Variants in AAK1 observed in about 807,000 individuals in gnomAD.
AAK1 encodes the protein AP2 associated kinase 1.
A neutral mutation model predicts 116.0 loss-of-function variants in AAK1; 37 were observed. The observed-to-expected ratio is 0.32, with a 90% CI of 0.25 to 0.42. The LOEUF (loss-of-function observed/expected upper bound fraction) is 0.42, where lower values mean the gene tolerates loss of function less well. Ranked by LOEUF, AAK1 falls within the 10% of genes least tolerant of loss-of-function variation. The pLI, the probability that AAK1 is intolerant of heterozygous loss-of-function variation, is 1.00. For synonymous variants in AAK1, 458 were observed against 439.9 expected (o/e 1.04, Z -0.51); for missense variants, 919 against 1,170.6 (o/e 0.79, Z 3.14).
At chr2:69,622,658 T>C (rs1674703739) in intron 2 of AAK1, among the ~76,000 whole-genome samples, 2 of 151,398 alleles carry the variant, frequency 1.3e-5, no homozygotes, top group East Asian at 3.9e-4. Context: ...GCACTCTGTA[T>C]CTAGTTAATC....
At chr2:69,570,835 C>T (rs763419772) in intron 2 of AAK1, among the ~76,000 whole-genome samples, 1 of 152,196 alleles carries the variant, frequency 6.6e-6, no homozygotes, top group Non-Finnish European at 1.5e-5. Context: ...AATCTGGAAC[C>T]CACAGTGAAC....
chr2:69,640,049 A>ACTCTCTCTCTCTCTCTCTCTCT (rs1158229745), intron 2 of AAK1, among the ~76,000 whole-genome samples: 2 of 115,018 alleles, frequency 1.7e-5, no homozygotes, highest in Non-Finnish European at 1.8e-5. Context: ...ACACACACAC[A>ACTCTCTCTCTCTCTCTCTCTCT]CACACTCTCT....
In AAK1 at chr2:69,532,960, A is replaced by T. The variant is rs76963874; in HGVS notation, c.535-798T>A. 3.5e-3 allele frequency among the ~76,000 whole-genome samples: 534 copies of T among 152,302 alleles called. 5 individuals carry two copies. Among genetic ancestry groups the T allele is most frequent in the African/African-American group, 0.012 (514 of 41,546 alleles). On this transcript the variant is annotated intron_variant, in intron 5 of 21. Coordinates refer to ENST00000409085, the MANE Select transcript of AAK1 (RefSeq NM_014911.5). ...ACAAATGAAATGACAACTCCAAAAT[A>T]GTGGGCACTATGTACTCAAGGTGTA...
chr2:69,505,123 G>A (rs1335316673), intron 16 of AAK1, among the ~76,000 whole-genome samples: 3 of 112,118 alleles, frequency 2.7e-5, no homozygotes, highest in East Asian at 3.7e-4. Context: ...GCGTGCGTGT[G>A]CGCACACACA....
intron 15 of AAK1, 90 bp from the exon 16 acceptor site, chr2:69,505,763 A>C (rs1676160048): frequency 2.2e-6 from 2 of 901,358 alleles, no homozygotes; most frequent in Non-Finnish European, 3.4e-6. Context: ...CTCTGAACTG[A>C]CTTCTGGACT....
At chr2:69,569,387 G>T (rs947692453) in intron 2 of AAK1, among the ~76,000 whole-genome samples, 1 of 151,986 alleles carries the variant, frequency 6.6e-6, no homozygotes, top group African/African-American at 2.4e-5. Flanking sequence ...TCTCATTTTT[G>T]ATGCATTTCC....
chr2:69,471,863 A>G lies in AAK1; in HGVS notation c.*4006T>C. 1 of 985,314 alleles carries G rather than the reference A, an allele frequency of 1.0e-6. No homozygotes were observed. The highest frequency in any genetic ancestry group is 1.2e-6 in the Non-Finnish European group (1 of 829,826). The allele number at this position is 985,314 out of a possible 1,614,324, so 61.0% of individuals were successfully genotyped here. A position where few individuals can be genotyped will look rare whatever the true frequency, so the allele number is the denominator to read the frequency against. ...TGGTTGATCAATTATCTGTCAGGAG[A>G]GTAGGAAATAAGTAATCAAAACAAC... On this transcript the variant is annotated 3_prime_UTR_variant, in exon 22 of 22. Coordinates refer to ENST00000409085, the MANE Select transcript of AAK1 (RefSeq NM_014911.5).
intron 2 of AAK1, among the ~76,000 whole-genome samples, chr2:69,583,587 G>T (rs1264540061): frequency 2.0e-5 from 3 of 152,216 alleles, no homozygotes; most frequent in Non-Finnish European, 2.9e-5. Context: ...TACAAGCAGT[G>T]TGTCCACATC....
intron 2 of AAK1, among the ~76,000 whole-genome samples, chr2:69,621,821 AC>A (rs1674643440): frequency 6.6e-6 from 1 of 152,170 alleles, no homozygotes; most frequent in Admixed American, 6.5e-5. Context: ...AGGCACTCAA[AC>A]TGAAAGCCTG....
At chr2:69,627,339 G>C (rs1244205223) in intron 2 of AAK1, among the ~76,000 whole-genome samples, 2 of 151,950 alleles carry the variant, frequency 1.3e-5, no homozygotes, top group Non-Finnish European at 2.9e-5. Context: ...AATTCTAGTG[G>C]GGGGAGTGGG....
At chr2:69,586,755 A>G (rs559813498) in intron 2 of AAK1, among the ~76,000 whole-genome samples, 1 of 152,306 alleles carries the variant, frequency 6.6e-6, no homozygotes, top group Non-Finnish European at 1.5e-5. Context: ...TTAGACACAG[A>G]AAAGTTTCTC....
At chr2:69,586,045 G>C (rs1228269448) in intron 2 of AAK1, among the ~76,000 whole-genome samples, 1 of 152,128 alleles carries the variant, frequency 6.6e-6, no homozygotes, top group East Asian at 1.9e-4. Context: ...CTGCCCCAAG[G>C]GGTCTGGGAA....
chr2:69,466,877 C>T lies in AAK1; in HGVS notation c.*8992G>A. ...ACACCTGCTCTACCTGGCACTGGCTCATTATGGAATGAAAACAAACCCAGT... is the reference window on the plus strand; with the variant it reads ...ACACCTGCTCTACCTGGCACTGGCTTATTATGGAATGAAAACAAACCCAGT... On this transcript the variant is annotated 3_prime_UTR_variant, in exon 22 of 22. Coordinates refer to ENST00000409085, the MANE Select transcript of AAK1 (RefSeq NM_014911.5). The T allele has an allele frequency of 1.0e-6, 1 of 985,398 alleles. No individual in the cohort carries two copies. The highest frequency in any genetic ancestry group is 1.2e-6 in the Non-Finnish European group (1 of 829,924). 61.0% of individuals were successfully genotyped at this position (985,398 alleles called of 1,614,324 possible). A position where few individuals can be genotyped will look rare whatever the true frequency, so the allele number is the denominator to read the frequency against.
intron 2 of AAK1, among the ~76,000 whole-genome samples, chr2:69,638,724 A>T (rs1420529464): frequency 6.6e-6 from 1 of 152,156 alleles, no homozygotes; most frequent in Non-Finnish European, 1.5e-5. Flanking sequence ...AGTAACCCCC[A>T]TCTGGAACAT....
At chr2:69,622,615 G>C (rs552743278) in intron 2 of AAK1, among the ~76,000 whole-genome samples, 1 of 152,346 alleles carries the variant, frequency 6.6e-6, no homozygotes, top group South Asian at 2.1e-4. Context: ...TCAGCACCTT[G>C]TGTCTAGCTC....
At chr2:69,507,707 AT>A (rs5831976) in intron 14 of AAK1, 129 bp from the exon 15 acceptor site, 161,469 of 655,598 alleles carry the variant, frequency 0.25, 553 homozygotes, top group South Asian at 0.27. Flanking sequence ...CCACCACAGT[AT>A]TTTTTTTTTT....
chr2:69,504,753 C>A (rs879271250), intron 16 of AAK1, among the ~76,000 whole-genome samples: 6 of 151,616 alleles, frequency 4.0e-5, no homozygotes, highest in Non-Finnish European at 5.9e-5. Context: ...GGCAACAGAG[C>A]GAGACTCCAT....
chr2:69,642,504 C>T (rs1197037755), intron 2 of AAK1, among the ~76,000 whole-genome samples: 3 of 152,140 alleles, frequency 2.0e-5, no homozygotes, highest in Non-Finnish European at 4.4e-5. Flanking sequence ...TCCCCCCACC[C>T]TTCAGCCTTC....
chr2:69,584,799 C>G (rs930755466), intron 2 of AAK1, among the ~76,000 whole-genome samples: 1 of 152,222 alleles, frequency 6.6e-6, no homozygotes, highest in Non-Finnish European at 1.5e-5. Flanking sequence ...CCCAGGCACT[C>G]AGAGACCTCG....
Sources: gnomAD v4.1 joint callset for allele counts (sites outside exome capture counted in the v4.1 genomes callset) on GRCh38, gnomAD v4.1.1 for gene constraint, MANE v1.5 for transcripts, NCBI Gene and HGNC (gene_info 2026-07-23, HGNC 2026-07-21) for gene names.